The following PRKN variants were observed in gnomAD, a reference collection of about 807,000 sequenced individuals.
PRKN encodes the protein parkin RBR E3 ubiquitin protein ligase, also known as E3 ubiquitin-protein ligase parkin.
In PRKN, 56 loss-of-function variants were observed where a neutral mutation model predicts 59.5. That is an observed-to-expected ratio of 0.94 (90% CI 0.76 to 1.18). PRKN has a LOEUF of 1.18. PRKN is among the 50% of genes most tolerant of loss of function. The pLI is 0.00. For synonymous variants in PRKN, 250 were observed against 222.1 expected, an observed-to-expected ratio of 1.13 and a Z score of -1.12; for missense variants, 657 against 596.4, an observed-to-expected ratio of 1.10 and a Z score of -1.06.
intron 4 of PRKN, among the ~76,000 whole-genome samples, chr6:162,190,787 G>T (rs773382035): frequency 6.6e-6 from 1 of 152,200 alleles, no homozygotes; most frequent in Non-Finnish European, 1.5e-5. Context: ...GATCTACTAT[G>T]TAGGAAGAAA....
In PRKN at chr6:161,551,022, C is replaced by CCTT. The variant is rs1358120097; in HGVS notation, c.934-2022_934-2020dup. On this transcript the variant is annotated intron_variant, in intron 8 of 11. Coordinates refer to ENST00000366898, the MANE Select transcript of PRKN (RefSeq NM_004562.3). This position sits in a 1 kb window ranked among gnomAD's most constrained non-coding sequence, Gnocchi z 5.2. ...GTGTGAATGGCATACACATACAGCA[C>CCTT]CTTTACCAGAAAAGAGGTCTAAGAG... is the stretch of plus-strand genomic sequence containing the variant. Among the ~76,000 whole-genome samples, 12 of 152,048 alleles carry CCTT rather than the reference C, an allele frequency of 7.9e-5. No homozygotes were observed. The highest frequency in any genetic ancestry group is 2.9e-5 in the Non-Finnish European group (2 of 68,028).
chr6:161,411,471 CTCA>C (rs1787538548), intron 9 of PRKN, among the ~76,000 whole-genome samples: 1 of 152,184 alleles, frequency 6.6e-6, no homozygotes, highest in African/African-American at 2.4e-5. Flanking sequence ...TGATAAGTTA[CTCA>C]GTCTCAGGTA....
At chr6:162,114,332 T>C (rs1193159533) in intron 4 of PRKN, among the ~76,000 whole-genome samples, 3 of 151,720 alleles carry the variant, frequency 2.0e-5, no homozygotes, top group Non-Finnish European at 4.4e-5. Flanking sequence ...CGATATTGAT[T>C]CTTCCTACCC....
At chr6:161,653,756 C>A (rs1456296527) in intron 7 of PRKN, among the ~76,000 whole-genome samples, 2 of 152,108 alleles carry the variant, frequency 1.3e-5, no homozygotes, top group Non-Finnish European at 2.9e-5. Context: ...TATAGATTTT[C>A]TTTTGTTAGG....
At chr6:162,367,691 A>G (rs1358951887) in intron 2 of PRKN, among the ~76,000 whole-genome samples, 1 of 152,178 alleles carries the variant, frequency 6.6e-6, no homozygotes, top group Non-Finnish European at 1.5e-5. Flanking sequence ...ATCCCACCAC[A>G]TACAAGATGT....
Position 162,325,483 on chromosome 6 carries a change from A to G in PRKN, c.172-62718T>C, listed in dbSNP as rs566040994. ...CTCAAAGGATTGGGAACGCTGCCTC[A>G]GACATCTCTTTTCTATGTTCCCAGG... On this transcript the variant is annotated intron_variant, in intron 2 of 11. Transcript: ENST00000366898. 1.9e-3 allele frequency among the ~76,000 whole-genome samples: 293 copies of G among 152,254 alleles called. 1 individual carries two copies. Among genetic ancestry groups the G allele is most frequent in the African/African-American group, 6.8e-3 (281 of 41,542 alleles).
chr6:162,548,009 C>T (rs1779184574), intron 1 of PRKN, among the ~76,000 whole-genome samples: 1 of 152,156 alleles, frequency 6.6e-6, no homozygotes, highest in South Asian at 2.1e-4. Context: ...CACCATTAAC[C>T]TCCCTCCTGA....
intron 3 of PRKN, among the ~76,000 whole-genome samples, chr6:162,247,295 A>G (rs1779241709): frequency 6.6e-6 from 1 of 152,158 alleles, no homozygotes; most frequent in Admixed American, 6.5e-5. Flanking sequence ...AAGTAATGGG[A>G]TGAGCTTTCT....
At chr6:161,427,975 C>T (rs1015784995) in intron 9 of PRKN, among the ~76,000 whole-genome samples, 5 of 152,044 alleles carry the variant, frequency 3.3e-5, no homozygotes, top group Non-Finnish European at 7.4e-5. Context: ...AGCTTTGGTG[C>T]GGGGATGGGC....
intron 1 of PRKN, among the ~76,000 whole-genome samples, chr6:162,655,292 A>G (rs1194356280): frequency 6.6e-6 from 1 of 152,220 alleles, no homozygotes; most frequent in Non-Finnish European, 1.5e-5. Context: ...TGAGTATTTA[A>G]GAATTTCCTT....
chr6:162,304,673 T>A (rs969725176), intron 2 of PRKN, among the ~76,000 whole-genome samples: 8 of 150,914 alleles, frequency 5.3e-5, no homozygotes, highest in Non-Finnish European at 1.0e-4. Context: ...CTCCACTGGC[T>A]TTTCACACAA....
At chr6:161,398,194 C>T (rs1250302761) in intron 9 of PRKN, among the ~76,000 whole-genome samples, 1 of 152,044 alleles carries the variant, frequency 6.6e-6, no homozygotes, top group Non-Finnish European at 1.5e-5. Flanking sequence ...TAACAGAGCA[C>T]CATAGCAGCT....
intron 2 of PRKN, among the ~76,000 whole-genome samples, chr6:162,391,376 T>C (rs2128144851): frequency 6.6e-6 from 1 of 151,850 alleles, no homozygotes; most frequent in East Asian, 2.0e-4. Flanking sequence ...ATTTTCTTAC[T>C]GCGCATGCTT....
intron 1 of PRKN, among the ~76,000 whole-genome samples, chr6:162,675,141 G>T (rs903812651): frequency 2.2e-5 from 1 of 45,422 alleles, no homozygotes; most frequent in Non-Finnish European, 3.9e-5. Context: ...CTGCCTCCCA[G>T]GTTCAAGCGA....
chr6:161,925,037 G>GT (rs1778915835), intron 6 of PRKN, among the ~76,000 whole-genome samples: 1 of 152,056 alleles, frequency 6.6e-6, no homozygotes, highest in Admixed American at 6.6e-5. Flanking sequence ...TGTTGTTGTT[G>GT]TTTTTTGGTG....
At chr6:161,500,667 T>A (rs1777926089) in intron 9 of PRKN, among the ~76,000 whole-genome samples, 1 of 152,180 alleles carries the variant, frequency 6.6e-6, no homozygotes. Context: ...AATATCTCAC[T>A]GTCTGGAAGT....
chr6:162,575,313 G>A (rs1780514483), intron 1 of PRKN, among the ~76,000 whole-genome samples: 1 of 152,064 alleles, frequency 6.6e-6, no homozygotes, highest in African/African-American at 2.4e-5. Context: ...ACCTCTGCAT[G>A]GTCACACCCA....
At chr6:162,721,445 C>T (rs950391113) in intron 1 of PRKN, among the ~76,000 whole-genome samples, 1 of 152,182 alleles carries the variant, frequency 6.6e-6, no homozygotes, top group Non-Finnish European at 1.5e-5. Flanking sequence ...CTATCGCCAA[C>T]TTTAAACCTA....
intron 9 of PRKN, among the ~76,000 whole-genome samples, chr6:161,431,138 CAA>C (rs142701766): frequency 4.4e-5 from 6 of 137,790 alleles, no homozygotes; most frequent in Admixed American, 7.4e-5. Flanking sequence ...GACTCTGTCT[CAA>C]AAAAAAAAAA....
Sources: gnomAD v4.1 joint callset for allele counts (sites outside exome capture counted in the v4.1 genomes callset) on GRCh38, gnomAD v4.1.1 for gene constraint, Gnocchi (gnomAD v3.1) non-coding constraint, MANE v1.5 for transcripts, NCBI Gene and HGNC (gene_info 2026-07-23, HGNC 2026-07-21) for gene names.